Variants in RALGAPA2 observed in about 807,000 individuals in gnomAD.
RALGAPA2 encodes ral GTPase-activating protein subunit alpha-2.
RALGAPA2 carries 139 observed loss-of-function variants against 230.4 expected under a neutral mutation model. The ratio of observed to expected loss-of-function variants is 0.60; its 90% CI spans 0.53 to 0.69. RALGAPA2 has a LOEUF of 0.69. RALGAPA2 is among the 30% of genes least tolerant of loss of function. RALGAPA2 has a pLI of 0.00. For synonymous variants in RALGAPA2, 847 were observed against 837.8 expected (o/e 1.01, Z -0.19); for missense variants, 2,163 against 2,276.0 (o/e 0.95, Z 1.01).
chr20:20,608,327 T>C (rs1012143316), intron 14 of RALGAPA2, among the ~76,000 whole-genome samples: 3 of 152,206 alleles, frequency 2.0e-5, no homozygotes, highest in Non-Finnish European at 4.4e-5. Flanking sequence ...TTTCCTGATA[T>C]ACCATCAGAG....
rs6046933 is a variant in RALGAPA2, at chr20:20,556,768, T to C, written c.3157-9936A>G. Among the ~76,000 whole-genome samples the C allele has an allele frequency of 3.5e-3, 530 of 152,246 alleles. 5 individuals are homozygous for C. The highest frequency in any genetic ancestry group is 0.012 in the African/African-American group (498 of 41,552). Reference sequence around the variant, plus strand: ...AACTCCAAAAGAAAATCAGGCCTCATTGCCAAAGCTCAGGGATAAGTCTAA... The same window carrying C: ...AACTCCAAAAGAAAATCAGGCCTCACTGCCAAAGCTCAGGGATAAGTCTAA... On this transcript the variant is annotated intron_variant, in intron 23 of 39. Coordinates refer to ENST00000202677, the MANE Select transcript of RALGAPA2 (RefSeq NM_020343.4).
intron 39 of RALGAPA2, 118 bp downstream of exon 39, chr20:20,396,577 C>T: frequency 1.1e-6 from 1 of 937,786 alleles, no homozygotes; most frequent in Non-Finnish European, 1.6e-6. Flanking sequence ...GAGGGGAAGG[C>T]CCAGGAGGGC....
intron 38 of RALGAPA2, among the ~76,000 whole-genome samples, chr20:20,396,973 T>G (rs73901533): frequency 0.037 from 5,697 of 152,334 alleles, 331 homozygotes; most frequent in African/African-American, 0.13. Context: ...TCCCAGGATC[T>G]ACGCATGCAG....
intron 36 of RALGAPA2, among the ~76,000 whole-genome samples, chr20:20,487,903 C>T (rs2123524871): frequency 6.7e-6 from 1 of 148,932 alleles, no homozygotes; most frequent in South Asian, 2.1e-4. Flanking sequence ...CAGAGCCAGA[C>T]TCGGTCTCGA....
intron 10 of RALGAPA2, 44 bp downstream of exon 10, chr20:20,629,312 GAACTTGT>G: frequency 2.0e-5 from 27 of 1,380,010 alleles, no homozygotes; most frequent in Non-Finnish European, 2.7e-5. Flanking sequence ...TCCATTTCAA[GAACTTGT>G]AACACACACA....
At chr20:20,581,538 C>T (rs900541309) in intron 20 of RALGAPA2, among the ~76,000 whole-genome samples, 17 of 152,158 alleles carry the variant, frequency 1.1e-4, no homozygotes, top group African/African-American at 4.1e-4. Flanking sequence ...AGCTTGATAA[C>T]AATTTCTCTG....
intron 31 of RALGAPA2, among the ~76,000 whole-genome samples, chr20:20,515,689 C>T (rs1231047534): frequency 1.3e-5 from 2 of 152,184 alleles, no homozygotes; most frequent in Non-Finnish European, 2.9e-5. Context: ...CAGCATGAAC[C>T]GAGGGAAGCC....
intron 36 of RALGAPA2, among the ~76,000 whole-genome samples, chr20:20,492,749 G>A (rs1485837434): frequency 6.6e-6 from 1 of 152,104 alleles, no homozygotes; most frequent in Non-Finnish European, 1.5e-5. Flanking sequence ...CATCTGGGAC[G>A]CGTGGAATGC....
chr20:20,709,722 C>G (rs1000111133), intron 1 of RALGAPA2, among the ~76,000 whole-genome samples: 7 of 152,094 alleles, frequency 4.6e-5, no homozygotes, highest in Non-Finnish European at 1.0e-4. Context: ...CAGTCTATAG[C>G]CAGGTGAAAG....
At chr20:20,537,639 A>G (rs1169530645) in intron 24 of RALGAPA2, among the ~76,000 whole-genome samples, 3 of 151,186 alleles carry the variant, frequency 2.0e-5, no homozygotes, top group African/African-American at 7.3e-5. Flanking sequence ...AAAAAAAAAA[A>G]AGGCATTTCA....
intron 8 of RALGAPA2, among the ~76,000 whole-genome samples, chr20:20,636,295 T>G (rs1312380827): frequency 9.2e-5 from 14 of 152,208 alleles, no homozygotes. Flanking sequence ...ACTCTCTATC[T>G]TAATAATTTT....
At position 20,572,849 on chromosome 20, in the gene RALGAPA2, A is replaced by G. The variant is rs577253921; in HGVS notation, c.2901+26T>C. 8 of 1,454,516 alleles carry G rather than the reference A, an allele frequency of 5.5e-6. No homozygotes were observed. In the African/African-American group the frequency reaches 1.1e-4, roughly 21 times the overall value. The allele number at this position is 1,454,516 out of a possible 1,614,324, so 90.1% of individuals were successfully genotyped here. On this transcript the variant is annotated intron_variant, in intron 21 of 39. Coordinates refer to ENST00000202677, the MANE Select transcript of RALGAPA2 (RefSeq NM_020343.4). ...GATAAGACCATTTTCCTGGATTAGA[A>G]TAAAAAGTAACATAGCAGAACTTAC...
rs867595253 is a variant in RALGAPA2 at position 20,525,055 on chromosome 20, C to A, written c.3694-157G>T. On this transcript the variant is annotated intron_variant, in intron 28 of 39. Transcript: ENST00000202677. ...AGCAGAGGGCCAGCTGTGTGGTGAT[C>A]TTGAAAATTAGGGAAAGACAATGGG... Among the ~76,000 whole-genome samples, 15 of 152,310 alleles carry A rather than the reference C, an allele frequency of 9.8e-5. No individual in the cohort carries two copies. The Middle Eastern group carries it at 0.01, about 104-fold the overall frequency.
intron 3 of RALGAPA2, among the ~76,000 whole-genome samples, chr20:20,657,527 C>CT: frequency 6.6e-6 from 1 of 152,334 alleles, no homozygotes; most frequent in East Asian, 1.9e-4. Context: ...AGCTGAAGTT[C>CT]TAAGAGACGG....
chr20:20,510,930 C>A (rs1305294783), intron 33 of RALGAPA2, among the ~76,000 whole-genome samples: 1 of 152,124 alleles, frequency 6.6e-6, no homozygotes, highest in African/African-American at 2.4e-5. Context: ...GGCTGTTAAA[C>A]CTAGGTAAAC....
intron 4 of RALGAPA2, 127 bp from the exon 5 acceptor site, chr20:20,643,676 A>G (rs2067115316): frequency 8.0e-6 from 7 of 879,426 alleles, no homozygotes; most frequent in Non-Finnish European, 1.1e-5. Context: ...GCTGACCTTC[A>G]GAAGCAAAGC....
At chr20:20,591,891 A>G (rs1273961750) in intron 16 of RALGAPA2, among the ~76,000 whole-genome samples, 2 of 152,244 alleles carry the variant, frequency 1.3e-5, no homozygotes, top group Non-Finnish European at 2.9e-5. Context: ...TAGAAAACCA[A>G]TATATATGAG....
intron 33 of RALGAPA2, among the ~76,000 whole-genome samples, chr20:20,510,552 A>G (rs977362272): frequency 6.6e-6 from 1 of 152,134 alleles, no homozygotes; most frequent in African/African-American, 2.4e-5. Context: ...AGTTTTTTAA[A>G]AAACTAAAGA....
At chr20:20,458,399 CATATA>C (rs777484316) in intron 37 of RALGAPA2, among the ~76,000 whole-genome samples, 112 of 141,028 alleles carry the variant, frequency 7.9e-4, no homozygotes, top group African/African-American at 2.0e-3. Flanking sequence ...ATTTTTTATA[CATATA>C]ATATATGTTA....
Sources: allele counts gnomAD v4.1 joint callset (sites outside exome capture counted in the v4.1 genomes callset), GRCh38; gene constraint gnomAD v4.1.1; transcripts MANE v1.5; gene names NCBI Gene and HGNC (gene_info 2026-07-23, HGNC 2026-07-21).